Variants in NRG1 observed in about 807,000 individuals in gnomAD.
NRG1 encodes pro-neuregulin-1, membrane-bound isoform.
A neutral mutation model predicts 63.8 loss-of-function variants in NRG1; 18 were observed. The observed-to-expected ratio is 0.28, with a 90% CI of 0.19 to 0.42. NRG1 has a LOEUF of 0.42. NRG1 is among the 10% of genes least tolerant of loss of function. NRG1 has a pLI of 1.00. For synonymous variants in NRG1, 302 were observed against 301.3 expected (o/e 1.00, Z -0.02); for missense variants, 762 against 814.7 (o/e 0.94, Z 0.79).
At chr8:32,064,811 C>T (rs1176741674) in intron 1 of NRG1, among the ~76,000 whole-genome samples, 1 of 152,024 alleles carries the variant, frequency 6.6e-6, no homozygotes, top group African/African-American at 2.4e-5. Flanking sequence ...AAAAAATAAA[C>T]ATTAGTATAA....
At chr8:32,617,303 A>G (rs958005881) in intron 5 of NRG1, among the ~76,000 whole-genome samples, 6 of 152,216 alleles carry the variant, frequency 3.9e-5, no homozygotes, top group African/African-American at 1.2e-4. Context: ...TCATTCTCAT[A>G]TAAAGTTAGC....
chr8:31,731,104 A>C, intron 1 of NRG1, among the ~76,000 whole-genome samples: 1 of 152,140 alleles, frequency 6.6e-6, no homozygotes, highest in East Asian at 1.9e-4. Flanking sequence ...ATCTTTCTGG[A>C]AAGCGATTTG....
At chr8:32,355,197 T>C (rs1806206874) in intron 1 of NRG1, among the ~76,000 whole-genome samples, 1 of 152,160 alleles carries the variant, frequency 6.6e-6, no homozygotes, top group African/African-American at 2.4e-5. Flanking sequence ...GGTGGCTCAC[T>C]TGTGTAATCC....
chr8:32,509,569 T>C (rs1828934173), intron 1 of NRG1, among the ~76,000 whole-genome samples: 1 of 152,072 alleles, frequency 6.6e-6, no homozygotes, highest in Admixed American at 6.6e-5. Context: ...GGGATGCAGG[T>C]GATTAAAGGA....
intron 1 of NRG1, among the ~76,000 whole-genome samples, chr8:31,955,064 T>C (rs920317938): frequency 6.6e-6 from 1 of 152,150 alleles, no homozygotes; most frequent in African/African-American, 2.4e-5. Flanking sequence ...TGCAAAATGT[T>C]TTTAAATTAT....
intron 1 of NRG1, among the ~76,000 whole-genome samples, chr8:32,181,560 T>TA (rs745335676): frequency 1.5e-4 from 23 of 152,216 alleles, no homozygotes; most frequent in Non-Finnish European, 2.9e-4. Flanking sequence ...TACAAAGACC[T>TA]GAATGTTATT....
intron 1 of NRG1, among the ~76,000 whole-genome samples, chr8:32,085,763 A>G (rs1292021776): frequency 2.0e-5 from 3 of 152,202 alleles, no homozygotes; most frequent in East Asian, 1.9e-4. Context: ...TGGTTCAACT[A>G]TTTCTCAAAT....
intron 5 of NRG1, among the ~76,000 whole-genome samples, chr8:32,705,851 T>C (rs938467925): frequency 2.0e-5 from 3 of 152,216 alleles, no homozygotes; most frequent in African/African-American, 4.8e-5. Flanking sequence ...ATGAGTCCCA[T>C]TGAAAAACAT....
At chr8:31,963,730 C>T (rs78684379) in intron 1 of NRG1, among the ~76,000 whole-genome samples, 5,136 of 152,160 alleles carry the variant, frequency 0.034, 277 homozygotes, top group African/African-American at 0.12. Flanking sequence ...GAAACAATCA[C>T]GGTTTGTAAT....
intron 1 of NRG1, among the ~76,000 whole-genome samples, chr8:32,121,614 A>G (rs917342445): frequency 6.6e-6 from 1 of 151,998 alleles, no homozygotes; most frequent in Non-Finnish European, 1.5e-5. Context: ...TTAATTCTTG[A>G]TAGCTGAAAA....
chr8:31,937,037 A>C (rs1289133487), intron 1 of NRG1, among the ~76,000 whole-genome samples: 1 of 152,222 alleles, frequency 6.6e-6, no homozygotes, highest in Non-Finnish European at 1.5e-5. Flanking sequence ...AGTCATTTTC[A>C]AATAATTTTT....
chr8:32,194,933 A>G (rs908562104), intron 1 of NRG1, among the ~76,000 whole-genome samples: 5 of 152,096 alleles, frequency 3.3e-5, no homozygotes, highest in African/African-American at 1.2e-4. Flanking sequence ...TATGCTGATA[A>G]AATCACTGAC....
intron 1 of NRG1, among the ~76,000 whole-genome samples, chr8:32,312,789 C>G (rs1451005133): frequency 2.8e-5 from 1 of 35,746 alleles, no homozygotes; most frequent in East Asian, 5.1e-3. Context: ...TCCTTCCCTT[C>G]CTTCCTTCCT....
intron 1 of NRG1, among the ~76,000 whole-genome samples, chr8:32,366,718 AC>A (rs1808106974): frequency 4.1e-5 from 3 of 72,316 alleles, no homozygotes; most frequent in African/African-American, 1.6e-4. Flanking sequence ...TATATATCTC[AC>A]TTTTTTTTTT....
intron 2 of NRG1, among the ~76,000 whole-genome samples, chr8:32,599,895 C>T (rs1433718740): frequency 6.6e-6 from 1 of 152,108 alleles, no homozygotes; most frequent in Non-Finnish European, 1.5e-5. Context: ...TTACATTGGA[C>T]AAATATTACA....
chr8:31,728,991 T>C (rs1813737780), intron 1 of NRG1, among the ~76,000 whole-genome samples: 1 of 152,228 alleles, frequency 6.6e-6, no homozygotes, highest in Admixed American at 6.5e-5. Context: ...CTAAGGGTCA[T>C]CTGGTTCTGG....
intron 1 of NRG1, among the ~76,000 whole-genome samples, chr8:31,920,088 G>A (rs1833774461): frequency 6.6e-6 from 1 of 152,018 alleles, no homozygotes; most frequent in Non-Finnish European, 1.5e-5. Flanking sequence ...CTTTGTTACA[G>A]CTAACCTAAT....
chr8:32,587,794 G>A, intron 1 of NRG1, among the ~76,000 whole-genome samples: 1 of 152,108 alleles, frequency 6.6e-6, no homozygotes, highest in East Asian at 1.9e-4. Context: ...ACACAGTCAG[G>A]AAATAGCCTA....
chr8:32,623,131 G>A (rs4733365), intron 5 of NRG1, among the ~76,000 whole-genome samples: 13,955 of 152,196 alleles, frequency 0.092, 1,605 homozygotes, highest in East Asian at 0.52. Flanking sequence ...CTAGCTGAAG[G>A]AAAAGAATGT....
Sources: allele counts gnomAD v4.1 joint callset (sites outside exome capture counted in the v4.1 genomes callset), GRCh38; gene constraint gnomAD v4.1.1; transcripts MANE v1.5; gene names NCBI Gene and HGNC (gene_info 2026-07-23, HGNC 2026-07-21).